SECISBP2: variants seen among roughly 807,000 people sequenced by gnomAD.
The protein encoded by SECISBP2 is SECIS binding protein 2.
In SECISBP2, 96 loss-of-function variants were observed where a neutral mutation model predicts 98.2. That is an observed-to-expected ratio of 0.98 (90% CI 0.83 to 1.16). The LOEUF is 1.16. Among genes scored for constraint, SECISBP2 ranks in the 50% most tolerant of loss-of-function variants. The probability of loss-of-function intolerance (pLI) is 0.00; values close to 1 mark genes in which losing one functional copy is unlikely to be tolerated. For synonymous variants in SECISBP2, 407 were observed against 370.2 expected, an observed-to-expected ratio of 1.10 and a Z score of -1.14; for missense variants, 1,046 against 1,022.9, an observed-to-expected ratio of 1.02 and a Z score of -0.31.
At chr9:89,330,632 C>T (rs769378182) in intron 5 of SECISBP2, among the ~76,000 whole-genome samples, 3 of 152,224 alleles carry the variant, frequency 2.0e-5, no homozygotes, top group Non-Finnish European at 4.4e-5. Context: ...TGTACCCTCA[C>T]ACTGTTGTAG....
At position 89,349,848 on chromosome 9, in the gene SECISBP2, A is replaced by T. The variant is rs1378790645; in HGVS notation, c.1811A>T (p.Glu604Val). Residue 604 changes from glutamate to valine, a missense_variant, in exon 13 of 17, where the codon GAG (glutamate) becomes GTG (valine). Coordinates refer to ENST00000375807, the MANE Select transcript of SECISBP2 (RefSeq NM_024077.5). ...AAGTCTGAAGAGCCACCAGGCACAG[A>T]GCTCCAGAGGGACACAGAGGCCTCC... ...EDKSEEPPGTELQRDTEASHL... is the reference protein window; with the variant it reads ...EDKSEEPPGTVLQRDTEASHL... 1 of 1,614,218 alleles carries T rather than the reference A, an allele frequency of 6.2e-7. No homozygotes were observed. The highest frequency in any genetic ancestry group is 2.2e-5 in the East Asian group (1 of 44,892).
chr9:89,365,851 C>T, the SECISBP2 span, among the ~76,000 whole-genome samples: 209 of 152,264 alleles, frequency 1.4e-3, no homozygotes, highest in Middle Eastern at 3.4e-3. Context: ...AAGAAGAGAT[C>T]GCCAGTTTAA....
intron 14 of SECISBP2, chr9:89,355,372 A>G: frequency 1.0e-6 from 1 of 985,374 alleles, no homozygotes; most frequent in Non-Finnish European, 1.2e-6. Flanking sequence ...GTTCCCTCCC[A>G]GGGTGGTGTG....
downstream of SECISBP2, chr9:89,362,307 TGTG>T: frequency 6.2e-7 from 1 of 1,607,100 alleles, no homozygotes; most frequent in East Asian, 2.2e-5. Context: ...AGTTCACAGT[TGTG>T]GGGGACCAGG....
At position 89,338,482 on chromosome 9, in the gene SECISBP2, C is replaced by T; in HGVS notation, c.1114C>T (p.Leu372Phe). The change falls in exon 8 of 17, where the codon CTT (leucine) becomes TTT (phenylalanine). Residue 372 changes from leucine (L) to phenylalanine (F), a missense_variant. Coordinates refer to ENST00000375807, the MANE Select transcript of SECISBP2 (RefSeq NM_024077.5). ...QKSKASQGSDLEQNEASRKNK... is the reference protein window; with the variant it reads ...QKSKASQGSDFEQNEASRKNK... ...GTCTAAAGCATCACAAGGTAGTGACCTTGAACAAAATGAAGCCTCAAGAAA... is the reference window on the plus strand; with the variant it reads ...GTCTAAAGCATCACAAGGTAGTGACTTTGAACAAAATGAAGCCTCAAGAAA... 1 of 1,613,428 alleles carries T rather than the reference C, an allele frequency of 6.2e-7. No homozygotes were observed. Among genetic ancestry groups the T allele is most frequent in the African/African-American group, 1.3e-5 (1 of 74,914 alleles).
At chr9:89,331,962 T>G (rs977642657) in intron 5 of SECISBP2, among the ~76,000 whole-genome samples, 1 of 152,178 alleles carries the variant, frequency 6.6e-6, no homozygotes, top group Non-Finnish European at 1.5e-5. Flanking sequence ...GTGGGTGGTG[T>G]TTTCCTCTAG....
intron 2 of SECISBP2, chr9:89,325,215 C>T (rs1587855695): frequency 7.0e-6 from 4 of 573,326 alleles, no homozygotes; most frequent in Non-Finnish European, 3.1e-6. Context: ...GGACTTCCAG[C>T]TCATTAGTGA....
intron 8 of SECISBP2, among the ~76,000 whole-genome samples, chr9:89,339,095 C>G (rs1248423874): frequency 2.0e-5 from 3 of 152,184 alleles, no homozygotes; most frequent in Non-Finnish European, 4.4e-5. Context: ...CTCTAAGGAG[C>G]CAGCCTGGGT....
chr9:89,366,359 A>C, the SECISBP2 span, among the ~76,000 whole-genome samples: 26 of 152,310 alleles, frequency 1.7e-4, no homozygotes, highest in African/African-American at 6.0e-4. Context: ...TTGCTTTTAT[A>C]ATAATAATTT....
intron 5 of SECISBP2, chr9:89,329,102 G>T: frequency 1.8e-6 from 1 of 570,772 alleles, no homozygotes; most frequent in Non-Finnish European, 3.1e-6. Flanking sequence ...TGTTTTATTT[G>T]TGCGTTTTGT....
At chr9:89,363,291 A>T (rs1324728124), downstream of SECISBP2, 21 of 1,300,282 alleles carry the variant, frequency 1.6e-5, no homozygotes, top group South Asian at 3.1e-4. Flanking sequence ...TGCAGATTTC[A>T]TAAAGGAAAC....
chr9:89,354,934 A>C, intron 14 of SECISBP2: 1 of 985,126 alleles, frequency 1.0e-6, no homozygotes, highest in Non-Finnish European at 1.2e-6. Flanking sequence ...GGAACACTCC[A>C]CCCCACCTCT....
intron 14 of SECISBP2, among the ~76,000 whole-genome samples, chr9:89,352,123 T>C (rs188035192): frequency 2.0e-5 from 3 of 152,316 alleles, no homozygotes; most frequent in East Asian, 3.9e-4. Flanking sequence ...CTTCCCCTAA[T>C]GTATAGTTTG....
downstream of SECISBP2, chr9:89,363,442 C>T: frequency 6.2e-7 from 1 of 1,613,632 alleles, no homozygotes; most frequent in East Asian, 2.2e-5. Flanking sequence ...ACGCCTTCCT[C>T]CAGCTCTGCA....
chr9:89,358,693 CCTCA>C (rs1264012780), intron 16 of SECISBP2, 24 bp from the exon 17 acceptor site: 2 of 1,465,610 alleles, frequency 1.4e-6, no homozygotes, highest in East Asian at 4.5e-5. Context: ...GATGCCTATT[CCTCA>C]CTCGTGCTGT....
At position 89,358,082 on chromosome 9, in the gene SECISBP2, G is replaced by A; in HGVS notation, c.2352G>A (p.Leu784=). The part of the protein sequence containing the change: ...KTMLENVQQE[L]VGEPRPQAPP... ...TGCTGGAGAATGTGCAGCAGGAGCT[G>A]GTGGGAGAGCCCAGGCCTCAGGCAC... The change falls in exon 16 of 17, where the codon CTG becomes CTA. Residue 784 remains leucine, a synonymous_variant. Transcript: ENST00000375807. The A allele has an allele frequency of 6.2e-7, 1 of 1,613,734 alleles. No homozygotes were observed. The highest frequency in any genetic ancestry group is 2.2e-5 in the East Asian group (1 of 44,884).
At chr9:89,350,968 T>C in intron 14 of SECISBP2, 116 bp downstream of exon 14, 1 of 847,426 alleles carries the variant, frequency 1.2e-6, no homozygotes, top group Admixed American at 2.0e-5. Context: ...ACTCGTTTTC[T>C]TTGTGGTTTT....
chr9:89,358,782 C>T lies in SECISBP2; in HGVS notation c.2523C>T (p.Ser841=), dbSNP rs1262251959. 1.2e-6 allele frequency: 2 copies of T among 1,613,792 alleles called. No homozygotes were observed. Among genetic ancestry groups the T allele is most frequent in the Admixed American group, 3.3e-5 (2 of 60,028 alleles). Residue 841 remains serine, a synonymous_variant, in exon 17 of 17, where the codon TCC becomes TCT. Coordinates refer to ENST00000375807, the MANE Select transcript of SECISBP2 (RefSeq NM_024077.5). ...GATGTACCCTGGAGCTAGAAGAATCCTTGGAGGCTTCAACCTCTCAAATGA... is the reference window on the plus strand; with the variant it reads ...GATGTACCCTGGAGCTAGAAGAATCTTTGGAGGCTTCAACCTCTCAAATGA... ...YSGCTLELEE[S]LEASTSQMMN... is the part of the protein sequence containing the mutation.
chr9:89,347,051 A>G lies in SECISBP2; in HGVS notation c.1602+3A>G. 1 of 1,613,598 alleles carries G rather than the reference A, an allele frequency of 6.2e-7. No homozygotes were observed. Among genetic ancestry groups the G allele is most frequent in the Non-Finnish European group, 8.5e-7 (1 of 1,179,826 alleles). ...AGAAGCCAACCTCACTGAAGAAGGT[A>G]TGTGGGGTGTTTCAGCCGAAGTGAG... On this transcript the variant is annotated splice_donor_region_variant and intron_variant, in intron 11 of 16. Coordinates refer to ENST00000375807, the MANE Select transcript of SECISBP2 (RefSeq NM_024077.5).
Sources: allele counts gnomAD v4.1 joint callset (sites outside exome capture counted in the v4.1 genomes callset), GRCh38; gene constraint gnomAD v4.1.1; transcripts MANE v1.5; gene names NCBI Gene and HGNC (gene_info 2026-07-23, HGNC 2026-07-21).